The following IL10 variants were observed in gnomAD, a reference collection of about 807,000 sequenced individuals.
The protein encoded by IL10 is interleukin 10.
In IL10, 7 loss-of-function variants were observed where a neutral mutation model predicts 21.0. The observed-to-expected ratio is 0.33, with a 90% CI of 0.19 to 0.63. IL10 has a LOEUF of 0.63. Ranked by LOEUF, IL10 falls within the 20% of genes least tolerant of loss-of-function variation. The probability of loss-of-function intolerance (pLI) is 0.77; values close to 1 mark genes in which losing one functional copy is unlikely to be tolerated. For missense variants in IL10, 161 were observed against 213.0 expected, an observed-to-expected ratio of 0.76 and a Z score of 1.52; for synonymous variants, 83 against 79.7, an observed-to-expected ratio of 1.04 and a Z score of -0.22.
At chr1:206,772,174 G>T in intron 1 of IL10, 97 bp downstream of exon 1, 1 of 1,038,754 alleles carries the variant, frequency 9.6e-7, no homozygotes, top group Non-Finnish European at 1.5e-6. Context: ...TGGGGATGGA[G>T]GTGGAGGCGC....
At position 206,771,013 on chromosome 1, in the gene IL10, A is replaced by G; in HGVS notation, c.272T>C (p.Leu91Pro). The G allele has an allele frequency of 6.2e-7, 1 of 1,614,176 alleles. No homozygotes were observed. The change falls in exon 3 of 5, where the codon CTG becomes CCG. Residue 91 changes from leucine (L) to proline (P), a missense_variant. Coordinates refer to ENST00000423557, the MANE Select transcript of IL10 (RefSeq NM_000572.3). ...CTCAGCTTGGGGCATCACCTCCTCCAGGTAAAACTGGATCATCTCAGACAA... is the reference window on the plus strand; with the variant it reads ...CTCAGCTTGGGGCATCACCTCCTCCGGGTAAAACTGGATCATCTCAGACAA... ...QALSEMIQFY[L>P]EEVMPQAENQ...
chr1:206,771,410 C>A lies in IL10; in HGVS notation c.171G>T (p.Met57Ile), dbSNP rs1457100580. ...ACAACAAGTTGTCCAGCTGATCCTT[C>A]ATTTGCTGCAGGAAGAACAAAAGGA... ...AFSRVKTFFQ[M>I]KDQLDNLLLK... Residue 57 changes from methionine (M) to isoleucine (I), a missense_variant, in exon 2 of 5, where the codon ATG becomes ATT. Met to Ile is a conservative substitution (Grantham distance 10, BLOSUM62 1). Transcript: ENST00000423557. 6.2e-7 allele frequency: 1 copy of A among 1,608,520 alleles called. No homozygotes were observed. Among genetic ancestry groups the A allele is most frequent in the East Asian group, 2.2e-5 (1 of 44,758 alleles).
rs1310379145 is a variant in IL10, at chr1:206,767,852, C to T, written c.*784G>A. ...TCAAGCAATTCTCTTGCCTCAGCCT[C>T]CCAAGTAGCTGGGATTACAGGTGCG... On this transcript the variant is annotated 3_prime_UTR_variant, in exon 5 of 5. Transcript: ENST00000423557. 6.5e-6 allele frequency: 1 copy of T among 153,820 alleles called. No individual in the cohort carries two copies. Among genetic ancestry groups the T allele is most frequent in the East Asian group, 1.8e-4 (1 of 5,466 alleles). The allele number at this position is 153,820 out of a possible 1,614,324, so 9.5% of individuals were successfully genotyped here. A position where few individuals can be genotyped will look rare whatever the true frequency, so the allele number is the denominator to read the frequency against.
chr1:206,769,111 C>T (rs1248550509), intron 4 of IL10, among the ~76,000 whole-genome samples: 2 of 152,168 alleles, frequency 1.3e-5, no homozygotes, highest in Non-Finnish European at 2.9e-5. Flanking sequence ...CTGTGTTCTC[C>T]CACCAACACA....
chr1:206,769,621 A>G (rs1158590340), intron 4 of IL10: 17 of 621,862 alleles, frequency 2.7e-5, no homozygotes, highest in Non-Finnish European at 5.8e-6. Context: ...AGTCATTTAG[A>G]AACCCCCAAA....
chr1:206,769,870 T>C lies in IL10; in HGVS notation c.403A>G (p.Lys135Glu), dbSNP rs1674769214. 4 of 1,614,070 alleles carry C rather than the reference T, an allele frequency of 2.5e-6. No individual in the cohort carries two copies. In the East Asian group the frequency reaches 8.9e-5, roughly 36 times the overall value. ...TTCACCTGCTCCACGGCCTTGCTCT[T>C]GTTTTCACAGGGAAGAAATCGATGC... ...RCHRFLPCEN[K>E]SKAVEQVKNA... is the part of the protein sequence containing the mutation. Residue 135 changes from lysine to glutamate, a missense_variant, in exon 4 of 5, where the codon AAG becomes GAG. Lys to Glu is a moderately conservative substitution (Grantham distance 56). Transcript: ENST00000423557.
In IL10 at chr1:206,772,486, C is replaced by A; in HGVS notation, c.-51G>T. 6.4e-7 allele frequency: 1 copy of A among 1,570,096 alleles called. No individual in the cohort carries two copies. The highest frequency in any genetic ancestry group is 8.8e-7 in the Non-Finnish European group (1 of 1,142,608). On this transcript the variant is annotated 5_prime_UTR_variant, in exon 1 of 5. The change creates a new upstream start codon in the 5' untranslated region. Transcript: ENST00000423557. The stretch of plus-strand genomic sequence containing the variant: ...GGTTTGGTTTTGCAAGAGCAAGCCC[C>A]TGATGTGTAGACCTTCACCTCTCTG...
In IL10 at chr1:206,770,960, C is replaced by T. The variant is rs1674812628; in HGVS notation, c.325G>A (p.Val109Met). 6.2e-7 allele frequency: 1 copy of T among 1,614,062 alleles called. No individual in the cohort carries two copies. The highest frequency in any genetic ancestry group is 1.1e-5 in the South Asian group (1 of 91,086). ...TTCAGGTTCTCCCCCAGGGAGTTCA[C>T]ATGCGCCTTGATGTCTGGGTCTTGG... ...ENQDPDIKAH[V>M]NSLGENLKTL... is the part of the protein sequence containing the mutation. The change falls in exon 3 of 5, where the codon GTG (valine) becomes ATG (methionine). Residue 109 changes from valine (V) to methionine (M), a missense_variant. Coordinates refer to ENST00000423557, the MANE Select transcript of IL10 (RefSeq NM_000572.3).
At chr1:206,771,263 G>T in intron 2 of IL10, 93 bp downstream of exon 2, 2 of 1,299,838 alleles carry the variant, frequency 1.5e-6, no homozygotes, top group Non-Finnish European at 2.2e-6. Context: ...TCAAAGCGAA[G>T]GAAACAAACC....
At position 206,770,964 on chromosome 1, in the gene IL10, C is replaced by A. The variant is rs560908141; in HGVS notation, c.321G>T (p.Ala107=). 8 of 1,614,084 alleles carry A rather than the reference C, an allele frequency of 5.0e-6. No homozygotes were observed. The highest frequency in any genetic ancestry group is 2.2e-5 in the East Asian group (1 of 44,884). The change falls in exon 3 of 5, where the codon GCG becomes GCT. Residue 107 remains alanine, a synonymous_variant. Transcript: ENST00000423557. The part of the protein sequence containing the change: ...QAENQDPDIK[A]HVNSLGENLK... ...GGTTCTCCCCCAGGGAGTTCACATG[C>A]GCCTTGATGTCTGGGTCTTGGTTCT...
chr1:206,769,881 G>A lies in IL10; in HGVS notation c.392C>T (p.Pro131Leu). 1.2e-6 allele frequency: 2 copies of A among 1,613,818 alleles called. No individual in the cohort carries two copies. The highest frequency in any genetic ancestry group is 1.7e-6 in the Non-Finnish European group (2 of 1,179,732). ...LRLRRCHRFL[P>L]CENKSKAVEQ... ...CACGGCCTTGCTCTTGTTTTCACAG[G>A]GAAGAAATCGATGCTGTGGAAGAAA... The change falls in exon 4 of 5, where the codon CCC becomes CTC. Residue 131 changes from proline (P) to leucine (L), a missense_variant. Pro to Leu is a moderately conservative substitution (Grantham distance 98). Transcript: ENST00000423557.
intron 4 of IL10, 72 bp from the exon 5 acceptor site, chr1:206,768,800 T>C: frequency 2.2e-6 from 2 of 890,586 alleles, no homozygotes; most frequent in Non-Finnish European, 3.8e-6. Context: ...TCCCTCATGC[T>C]CATGGATGGG....
At chr1:206,769,635 A>G in intron 4 of IL10, 194 bp downstream of exon 4, 1 of 651,668 alleles carries the variant, frequency 1.5e-6, no homozygotes, top group Non-Finnish European at 2.8e-6. Context: ...CCCCAAAGAC[A>G]CTTAACAGAA....
At chr1:206,771,702 G>A (rs567598552) in intron 1 of IL10, among the ~76,000 whole-genome samples, 2 of 152,288 alleles carry the variant, frequency 1.3e-5, no homozygotes, top group South Asian at 4.1e-4. Context: ...AGCTACATTC[G>A]GCTTTAAGGG....
chr1:206,769,804 C>A lies in IL10; in HGVS notation c.444+25G>T, dbSNP rs1384456173. On this transcript the variant is annotated intron_variant, in intron 4 of 4. Transcript: ENST00000423557. ...TGGGCATGGGTTGTGCTCTGCAGACCCTCTCTGCCACCATCCAAGCTCACC... is the reference window on the plus strand; with the variant it reads ...TGGGCATGGGTTGTGCTCTGCAGACACTCTCTGCCACCATCCAAGCTCACC... The A allele has an allele frequency of 4.8e-5, 76 of 1,594,326 alleles. 1 individual carries two copies. In the Admixed American group the frequency reaches 1.3e-3, roughly 27 times the overall value.
rs756344226 is a variant in IL10 at position 206,772,483 on chromosome 1, C to A, written c.-48G>T. 2.5e-6 allele frequency: 4 copies of A among 1,582,590 alleles called. No homozygotes were observed. The South Asian group carries it at 3.3e-5, about 13-fold the overall frequency. On this transcript the variant is annotated 5_prime_UTR_variant, in exon 1 of 5. Coordinates refer to ENST00000423557, the MANE Select transcript of IL10 (RefSeq NM_000572.3). ...TGTGGTTTGGTTTTGCAAGAGCAAG[C>A]CCCTGATGTGTAGACCTTCACCTCT...
Position 206,771,349 on chromosome 1 carries a change from C to T in IL10, c.225+7G>A, listed in dbSNP as rs1362396478. 5 of 1,612,694 alleles carry T rather than the reference C, an allele frequency of 3.1e-6. No individual in the cohort carries two copies. In the African/African-American group the frequency reaches 6.7e-5, roughly 22 times the overall value. The stretch of plus-strand genomic sequence containing the variant: ...ACACTCCCCCAGCACCCCGCCCCTG[C>T]TCTCACCTTAAAGTCCTCCAGCAAG... On this transcript the variant is annotated splice_region_variant and intron_variant, in intron 2 of 4. Transcript: ENST00000423557.
intron 3 of IL10, chr1:206,770,523 A>T: frequency 3.3e-6 from 1 of 299,392 alleles, no homozygotes; most frequent in Non-Finnish European, 6.4e-6. Flanking sequence ...AAACATTGAG[A>T]TTAAAAGAGG....
chr1:206,771,673 C>T (rs1312635087), intron 1 of IL10, among the ~76,000 whole-genome samples: 2 of 152,170 alleles, frequency 1.3e-5, no homozygotes, highest in African/African-American at 4.8e-5. Flanking sequence ...TTGACTCAGT[C>T]CTGGTCTTCT....
Sources: allele counts gnomAD v4.1 joint callset (sites outside exome capture counted in the v4.1 genomes callset), GRCh38; gene constraint gnomAD v4.1.1; transcripts MANE v1.5; gene names NCBI Gene and HGNC (gene_info 2026-07-23, HGNC 2026-07-21).